PDE5A: variants seen among roughly 807,000 people sequenced by gnomAD.
PDE5A encodes phosphodiesterase 5A, also known as cGMP-specific 3',5'-cyclic phosphodiesterase.
PDE5A carries 67 observed loss-of-function variants against 110.2 expected under a neutral mutation model. That is an observed-to-expected ratio of 0.61 (90% CI 0.50 to 0.75). The LOEUF is 0.75. Among genes scored for constraint, PDE5A ranks in the 30% least tolerant of loss-of-function variants. PDE5A has a pLI of 0.00. For synonymous variants in PDE5A, 328 were observed against 351.2 expected (o/e 0.93, Z 0.74); for missense variants, 862 against 1,045.1 (o/e 0.82, Z 2.42).
chr4:119,560,720 T>C (rs1424952232), intron 6 of PDE5A, among the ~76,000 whole-genome samples: 1 of 152,234 alleles, frequency 6.6e-6, no homozygotes, highest in East Asian at 1.9e-4. Context: ...TTGATTGTTG[T>C]TAAATCCCAG....
intron 11 of PDE5A, 176 bp downstream of exon 11, chr4:119,538,784 C>T (rs1726817838): frequency 1.6e-6 from 1 of 625,218 alleles, no homozygotes; most frequent in Non-Finnish European, 2.9e-6. Context: ...CACTATATTA[C>T]ACAGTCAGTA....
At chr4:119,543,921 T>C (rs1307075987) in intron 9 of PDE5A, 1 of 152,200 alleles carries the variant, frequency 6.6e-6, no homozygotes, top group Non-Finnish European at 1.5e-5. Context: ...TCTCTCTCTT[T>C]CTAGACTGTC....
In PDE5A at chr4:119,498,428, A is replaced by C. The variant is rs1320368613; in HGVS notation, c.*173T>G. 9.7e-6 allele frequency: 6 copies of C among 621,182 alleles called. No individual in the cohort carries two copies. Among genetic ancestry groups the C allele is most frequent in the Non-Finnish European group, 8.2e-6 (3 of 363,798 alleles). The allele number at this position is 621,182 out of a possible 1,614,324, so 38.5% of individuals were successfully genotyped here. A position where few individuals can be genotyped will look rare whatever the true frequency, so the allele number is the denominator to read the frequency against. On this transcript the variant is annotated 3_prime_UTR_variant, in exon 21 of 21. Transcript: ENST00000354960. Reference sequence around the variant, plus strand: ...AAAACAAATATACAAAAAATATGTAATAGTCCTCTAAAAACATTCATGCTA... The same window carrying C: ...AAAACAAATATACAAAAAATATGTACTAGTCCTCTAAAAACATTCATGCTA...
Position 119,504,686 on chromosome 4 carries a change from T to C in PDE5A, c.2268-87A>G, listed in dbSNP as rs545868762. ...TAAATAGTTACTAATAAAAAAAAGT[T>C]AAAACCCTCTAAACAATGGAAATGG... On this transcript the variant is annotated intron_variant, in intron 17 of 20. Transcript: ENST00000354960. 131 of 1,004,846 alleles carry C rather than the reference T, an allele frequency of 1.3e-4. No homozygotes were observed. In the Middle Eastern group the frequency reaches 2.7e-3, roughly 20 times the overall value. The allele number at this position is 1,004,846 out of a possible 1,614,324, so 62.2% of individuals were successfully genotyped here. A position where few individuals can be genotyped will look rare whatever the true frequency, so the allele number is the denominator to read the frequency against.
Position 119,562,911 on chromosome 4 carries a change from C to T in PDE5A, c.1053G>A (p.Leu351=). The T allele has an allele frequency of 6.2e-7, 1 of 1,601,694 alleles. No homozygotes were observed. The highest frequency in any genetic ancestry group is 8.5e-7 in the Non-Finnish European group (1 of 1,175,114). The change falls in exon 6 of 21, where the codon TTG becomes TTA. Residue 351 remains leucine (L), a synonymous_variant. Transcript: ENST00000354960. ...AGATAATAGTGGCAGCTATTTTCTT[C>T]AAAATTACTTCTAATGATTGTTGTT... ...FEEQQSLEVI[L]KKIAATIISF... is the part of the protein sequence containing the mutation.
intron 14 of PDE5A, among the ~76,000 whole-genome samples, chr4:119,514,280 TG>T (rs1348851438): frequency 2.0e-5 from 3 of 152,146 alleles, no homozygotes; most frequent in African/African-American, 7.2e-5. Flanking sequence ...GAAAGCCCCA[TG>T]GGGGTGGGAA....
At chr4:119,592,894 G>C (rs2110533104) in intron 3 of PDE5A, among the ~76,000 whole-genome samples, 1 of 152,278 alleles carries the variant, frequency 6.6e-6, no homozygotes, top group East Asian at 1.9e-4. Context: ...AGAAAGCTCA[G>C]GAACCCAGCA....
chr4:119,533,842 G>T (rs1726631951), intron 11 of PDE5A, among the ~76,000 whole-genome samples: 2 of 152,102 alleles, frequency 1.3e-5, no homozygotes, highest in Middle Eastern at 6.8e-3. Context: ...GATTGCAATT[G>T]GGAATAATAT....
chr4:119,606,684 C>T, intron 2 of PDE5A, 25 bp downstream of exon 2: 4 of 1,570,416 alleles, frequency 2.5e-6, no homozygotes, highest in Non-Finnish European at 3.5e-6. Context: ...CAGCACTGGT[C>T]CTGCTCTCAT....
chr4:119,552,556 C>A lies in PDE5A; in HGVS notation c.1390G>T (p.Val464Phe). 1 of 1,438,576 alleles carries A rather than the reference C, an allele frequency of 7.0e-7. No homozygotes were observed. The highest frequency in any genetic ancestry group is 9.4e-7 in the Non-Finnish European group (1 of 1,067,432). 89.1% of individuals were successfully genotyped at this position (1,438,576 alleles called of 1,614,324 possible). Reference protein sequence around the residue: ...TPIKNGKKNKVIGVCQLVNKM... With the variant: ...TPIKNGKKNKFIGVCQLVNKM... The stretch of plus-strand genomic sequence containing the variant: ...GTTAAAGGAAAGGTTTTACCTATAA[C>A]TTTATTCTTCTTTCCATTTTTTATA... The change falls in exon 9 of 21, where the codon GTT becomes TTT. Residue 464 changes from valine to phenylalanine, a missense_variant. Val to Phe is a conservative substitution (Grantham distance 50). Transcript: ENST00000354960.
Position 119,521,050 on chromosome 4 carries a change from C to T in PDE5A, c.1790G>A (p.Arg597Lys), listed in dbSNP as rs1726111452. ...NFQMKHEVLC[R>K]WILSVKKNYR... Reference sequence around the variant, plus strand: ...ATTCTTCTTAACACTTAAAATCCATCTGCAAAGAACCTTTAGGGAATAAAA... The same window carrying T: ...ATTCTTCTTAACACTTAAAATCCATTTGCAAAGAACCTTTAGGGAATAAAA... Residue 597 changes from arginine (R) to lysine (K), a missense_variant, in exon 13 of 21, where the codon AGA (arginine) becomes AAA (lysine). Transcript: ENST00000354960. 2.5e-6 allele frequency: 4 copies of T among 1,610,804 alleles called. No individual in the cohort carries two copies. Among genetic ancestry groups the T allele is most frequent in the Non-Finnish European group, 1.7e-6 (2 of 1,178,494 alleles).
intron 1 of PDE5A, among the ~76,000 whole-genome samples, chr4:119,609,398 T>C (rs1370241272): frequency 6.6e-6 from 1 of 152,130 alleles, no homozygotes; most frequent in East Asian, 1.9e-4. Context: ...CATAATTATA[T>C]GTACTGATAT....
chr4:119,589,187 T>G (rs1253551074), intron 3 of PDE5A, among the ~76,000 whole-genome samples: 1 of 151,842 alleles, frequency 6.6e-6, no homozygotes, highest in East Asian at 1.9e-4. Flanking sequence ...TTCAGAGAAA[T>G]AAGAAATTTG....
At chr4:119,563,006 T>C (rs1006474848) in intron 5 of PDE5A, 36 bp from the exon 6 acceptor site, 3 of 1,520,816 alleles carry the variant, frequency 2.0e-6, no homozygotes, top group South Asian at 1.3e-5. Flanking sequence ...TATTTAGCAA[T>C]TGATTGTAAT....
chr4:119,612,396 G>A (rs1339169779), intron 1 of PDE5A, among the ~76,000 whole-genome samples: 4 of 152,064 alleles, frequency 2.6e-5, no homozygotes, highest in South Asian at 2.1e-4. Flanking sequence ...CCACCATCCC[G>A]TCCTTGTTCT....
At chr4:119,528,205 A>G (rs1329443548) in intron 11 of PDE5A, among the ~76,000 whole-genome samples, 1 of 152,052 alleles carries the variant, frequency 6.6e-6, no homozygotes, top group Non-Finnish European at 1.5e-5. Flanking sequence ...AAGGAATTAT[A>G]TCATAAGTCT....
chr4:119,605,389 G>A (rs902253868), intron 2 of PDE5A, among the ~76,000 whole-genome samples: 4 of 152,118 alleles, frequency 2.6e-5, no homozygotes, highest in African/African-American at 4.8e-5. Flanking sequence ...GCTCATGCCT[G>A]TAATCCCAGC....
intron 3 of PDE5A, among the ~76,000 whole-genome samples, chr4:119,589,504 T>C (rs2110529707): frequency 6.6e-6 from 1 of 152,294 alleles, no homozygotes; most frequent in African/African-American, 2.4e-5. Context: ...GTTATAGAAA[T>C]AATTAATACA....
In PDE5A at chr4:119,627,066, C is replaced by G; in HGVS notation, c.152+1454G>C. The G allele has an allele frequency of 6.6e-7, 1 of 1,507,744 alleles. No individual in the cohort carries two copies. The highest frequency in any genetic ancestry group is 9.1e-7 in the Non-Finnish European group (1 of 1,095,550). The allele number at this position is 1,507,744 out of a possible 1,614,324, so 93.4% of individuals were successfully genotyped here. Reference sequence around the variant, plus strand: ...TGATACATCGTCCCACTGGTGCCACCGGGGCGCCACCACCCAGCACCCGAG... The same window carrying G: ...TGATACATCGTCCCACTGGTGCCACGGGGGCGCCACCACCCAGCACCCGAG... On this transcript the variant is annotated intron_variant, in intron 1 of 20. Coordinates refer to ENST00000354960, the MANE Select transcript of PDE5A (RefSeq NM_001083.4). The surrounding 1 kb of genome is among the most constrained non-coding windows in gnomAD (Gnocchi z 4.6).
Sources: allele counts gnomAD v4.1 joint callset (sites outside exome capture counted in the v4.1 genomes callset), GRCh38; gene constraint gnomAD v4.1.1; non-coding constraint Gnocchi (gnomAD v3.1); transcripts MANE v1.5; gene names NCBI Gene and HGNC (gene_info 2026-07-23, HGNC 2026-07-21).